CDC16: variants seen among roughly 807,000 people sequenced by gnomAD.
CDC16 encodes the protein cell division cycle protein 16 homolog.
Under a neutral mutation model 87.0 loss-of-function variants are expected in CDC16, and 34 were observed. That is an observed-to-expected ratio of 0.39 (90% CI 0.30 to 0.52). The LOEUF (loss-of-function observed/expected upper bound fraction) is 0.52. Ranked by LOEUF, CDC16 falls within the 20% of genes least tolerant of loss-of-function variation. The pLI is 0.74. For missense variants in CDC16, 653 were observed against 751.9 expected (o/e 0.87, Z 1.54); for synonymous variants, 263 against 260.6 (o/e 1.01, Z -0.09).
At chr13:114,242,869 G>A (rs1198882298) in intron 6 of CDC16, among the ~76,000 whole-genome samples, 1 of 152,212 alleles carries the variant, frequency 6.6e-6, no homozygotes, top group Non-Finnish European at 1.5e-5. Context: ...TCACAGCTTA[G>A]GGGCAGGGAG....
chr13:114,241,776 C>T (rs914246824), intron 5 of CDC16, among the ~76,000 whole-genome samples: 1 of 152,202 alleles, frequency 6.6e-6, no homozygotes, highest in African/African-American at 2.4e-5. Context: ...AAGGGCCAGG[C>T]ATGGTTGCTC....
chr13:114,247,287 C>T (rs117607744), intron 11 of CDC16: 12,947 of 356,242 alleles, frequency 0.036, 332 homozygotes, highest in Non-Finnish European at 0.047. Context: ...CTCAGCCTCC[C>T]GAGTAGCTGG....
intron 12 of CDC16, among the ~76,000 whole-genome samples, chr13:114,252,675 T>G (rs184019472): frequency 3.7e-4 from 57 of 152,294 alleles, no homozygotes; most frequent in Admixed American, 5.9e-4. Context: ...TCACTATGAG[T>G]TGGTTTTTAT....
At chr13:114,236,456 G>C (rs540366287) in intron 1 of CDC16, among the ~76,000 whole-genome samples, 189 bp from the exon 2 acceptor site, 10 of 152,046 alleles carry the variant, frequency 6.6e-5, no homozygotes, top group Non-Finnish European at 1.2e-4. Context: ...TTTGTATTGC[G>C]ACACTGAACT....
rs1298709346 is a variant in CDC16 at position 114,247,748 on chromosome 13, G to A, written c.971+744G>A. On this transcript the variant is annotated intron_variant, in intron 11 of 17. Transcript: ENST00000356221. ...AAAAATTAGCCAGATATAGTAGTGG[G>A]CATCTGCATCCCAGCTACTCGGGAG... Among the ~76,000 whole-genome samples the A allele has an allele frequency of 3.9e-5, 6 of 151,988 alleles. No individual in the cohort carries two copies. In the East Asian group the frequency reaches 9.6e-4, roughly 24 times the overall value.
In CDC16 at chr13:114,272,668, A is replaced by G; in HGVS notation, c.*225A>G. 2 of 408,620 alleles carry G rather than the reference A, an allele frequency of 4.9e-6. No individual in the cohort carries two copies. Among genetic ancestry groups the G allele is most frequent in the Non-Finnish European group, 8.6e-6 (2 of 232,128 alleles). 25.3% of individuals were successfully genotyped at this position (408,620 alleles called of 1,614,324 possible). Reference sequence around the variant, plus strand: ...TTATACATAGTGGAATAAAGAAGGTAAACCATCTGTTATGTCTTTTTTTTT... The same window carrying G: ...TTATACATAGTGGAATAAAGAAGGTGAACCATCTGTTATGTCTTTTTTTTT... On this transcript the variant is annotated 3_prime_UTR_variant, in exon 18 of 18. Coordinates refer to ENST00000356221, the MANE Select transcript of CDC16 (RefSeq NM_001078645.3).
chr13:114,243,107 T>C, intron 6 of CDC16, 150 bp from the exon 7 acceptor site: 1 of 552,532 alleles, frequency 1.8e-6, no homozygotes, highest in Non-Finnish European at 3.3e-6. Flanking sequence ...GGAGCCACTG[T>C]GTCAGCTTCT....
intron 14 of CDC16, among the ~76,000 whole-genome samples, chr13:114,259,841 C>T (rs899071251): frequency 2.0e-5 from 3 of 152,170 alleles, no homozygotes; most frequent in Admixed American, 1.3e-4. Flanking sequence ...GAAATTCACA[C>T]CTTTTGTTGC....
chr13:114,264,998 A>T, intron 16 of CDC16, 152 bp from the exon 17 acceptor site: 1 of 625,336 alleles, frequency 1.6e-6, no homozygotes. Context: ...CCCATAACCA[A>T]CTTCAACAAT....
intron 11 of CDC16, among the ~76,000 whole-genome samples, 156 bp from the exon 12 acceptor site, chr13:114,250,393 G>T (rs928670907): frequency 1.3e-5 from 2 of 151,584 alleles, no homozygotes; most frequent in African/African-American, 4.8e-5. Context: ...TCGGGAGGTT[G>T]AGGTAGGAGA....
chr13:114,251,186 G>A (rs1029254880), intron 12 of CDC16, among the ~76,000 whole-genome samples: 4 of 152,126 alleles, frequency 2.6e-5, no homozygotes, highest in Admixed American at 2.6e-4. Context: ...TGGTTTGTGT[G>A]GACTGCTTCT....
At chr13:114,261,137 C>G (rs2082836215) in intron 14 of CDC16, among the ~76,000 whole-genome samples, 1 of 151,964 alleles carries the variant, frequency 6.6e-6, no homozygotes, top group African/African-American at 2.4e-5. Context: ...CAAGGGTATT[C>G]CAGTGTTTGC....
intron 14 of CDC16, among the ~76,000 whole-genome samples, chr13:114,260,650 G>A (rs1857739217): frequency 6.6e-6 from 1 of 152,192 alleles, no homozygotes; most frequent in Admixed American, 6.5e-5. Flanking sequence ...ATGGTTTTAA[G>A]TATGAAAGCA....
At chr13:114,269,829 T>C (rs1038462568) in intron 17 of CDC16, among the ~76,000 whole-genome samples, 3 of 152,134 alleles carry the variant, frequency 2.0e-5, no homozygotes, top group South Asian at 2.1e-4. Flanking sequence ...CTCAGCCTCC[T>C]GAGTAGCTGG....
intron 11 of CDC16, among the ~76,000 whole-genome samples, chr13:114,248,854 G>A (rs1348301360): frequency 6.6e-6 from 1 of 151,964 alleles, no homozygotes; most frequent in Non-Finnish European, 1.5e-5. Context: ...GATTAGTATT[G>A]TAAAAGTTAT....
chr13:114,270,649 C>A (rs1350609085), intron 17 of CDC16, among the ~76,000 whole-genome samples: 1 of 152,186 alleles, frequency 6.6e-6, no homozygotes, highest in Non-Finnish European at 1.5e-5. Context: ...ACATAGGGTT[C>A]ATTCAGCCAT....
intron 14 of CDC16, among the ~76,000 whole-genome samples, chr13:114,260,229 A>G (rs1423423616): frequency 6.6e-6 from 1 of 152,190 alleles, no homozygotes; most frequent in African/African-American, 2.4e-5. Context: ...GTCCCCATAG[A>G]CACAGCTTTG....
intron 17 of CDC16, among the ~76,000 whole-genome samples, chr13:114,268,242 G>C (rs2083375054): frequency 6.6e-6 from 1 of 152,286 alleles, no homozygotes; most frequent in African/African-American, 2.4e-5. Context: ...AAAAAGAAAT[G>C]AAAAATAAAT....
At chr13:114,259,424 T>C (rs1238513410) in intron 14 of CDC16, 26 bp downstream of exon 14, 14 of 1,270,846 alleles carry the variant, frequency 1.1e-5, no homozygotes, top group African/African-American at 4.7e-5. Flanking sequence ...CCTGTAAATA[T>C]ACACATATAC....
Sources: allele counts gnomAD v4.1 joint callset (sites outside exome capture counted in the v4.1 genomes callset), GRCh38; gene constraint gnomAD v4.1.1; transcripts MANE v1.5; gene names NCBI Gene and HGNC (gene_info 2026-07-23, HGNC 2026-07-21).